The following RIGI variants were observed in gnomAD, a reference collection of about 807,000 sequenced individuals.
RIGI encodes the protein RNA sensor RIG-I.
At chr9:32,462,323 G>A in the RIGI span, among the ~76,000 whole-genome samples, 61 of 150,994 alleles carry the variant, frequency 4.0e-4, no homozygotes, top group African/African-American at 1.1e-3. Flanking sequence ...AATTGGTTAC[G>A]GATCATACAT....
the RIGI span, among the ~76,000 whole-genome samples, chr9:32,467,195 G>A: frequency 6.6e-6 from 1 of 152,084 alleles, no homozygotes; most frequent in Non-Finnish European, 1.5e-5. Flanking sequence ...AGGGAAGAAT[G>A]GGAAATAAAG....
chr9:32,480,662 A>C, the RIGI span, among the ~76,000 whole-genome samples: 1 of 152,354 alleles, frequency 6.6e-6, no homozygotes, highest in Middle Eastern at 3.4e-3. Flanking sequence ...TAAGGAAAGT[A>C]AATCAACTTC....
the RIGI span, among the ~76,000 whole-genome samples, chr9:32,524,823 G>C: frequency 6.6e-6 from 1 of 151,788 alleles, no homozygotes; most frequent in Admixed American, 6.6e-5. Flanking sequence ...AGCTGGTCTC[G>C]AACTCCTGAC....
chr9:32,463,968 C>T, the RIGI span, among the ~76,000 whole-genome samples: 43 of 149,684 alleles, frequency 2.9e-4, 1 homozygote, highest in Admixed American at 6.1e-4. Context: ...AATCCTGAAG[C>T]GTCCACCATG....
chr9:32,455,994 T>C, the RIGI span: 1 of 152,238 alleles, frequency 6.6e-6, no homozygotes, highest in Non-Finnish European at 1.5e-5. Context: ...GGAACTCAGA[T>C]ACTTGTTTCC....
the RIGI span, among the ~76,000 whole-genome samples, chr9:32,505,154 G>GA: frequency 1.3e-5 from 2 of 148,710 alleles, no homozygotes; most frequent in African/African-American, 4.9e-5. Context: ...AAGCAGCCTA[G>GA]AAAAAAATAG....
chr9:32,457,479 G>T, the RIGI span: 91 of 986,338 alleles, frequency 9.2e-5, no homozygotes, highest in Middle Eastern at 3.0e-4. Flanking sequence ...ACATAATTGT[G>T]ATTTAAAAAA....
chr9:32,462,459 A>G, the RIGI span, among the ~76,000 whole-genome samples: 1 of 132,166 alleles, frequency 7.6e-6, no homozygotes, highest in Non-Finnish European at 1.5e-5. Flanking sequence ...CCCAGGCTGG[A>G]ATGCAGTGGC....
At chr9:32,501,840 G>A in the RIGI span, among the ~76,000 whole-genome samples, 4 of 152,158 alleles carry the variant, frequency 2.6e-5, no homozygotes, top group African/African-American at 9.7e-5. Flanking sequence ...AAGAAGGAAT[G>A]CCTTATAATC....
chr9:32,468,292 A>C, the RIGI span, among the ~76,000 whole-genome samples: 1 of 152,244 alleles, frequency 6.6e-6, no homozygotes, highest in Admixed American at 6.5e-5. Flanking sequence ...TAGCTGACAA[A>C]ACATTTTCAC....
chr9:32,461,234 A>T, the RIGI span, among the ~76,000 whole-genome samples: 4 of 152,220 alleles, frequency 2.6e-5, no homozygotes, highest in South Asian at 8.3e-4. Context: ...GGAGAAATGA[A>T]GACATTCTTA....
the RIGI span, among the ~76,000 whole-genome samples, chr9:32,520,482 G>T: frequency 6.6e-6 from 1 of 152,106 alleles, no homozygotes; most frequent in Non-Finnish European, 1.5e-5. Flanking sequence ...GCTAAATCTT[G>T]AGCACTGACA....
At chr9:32,458,585 A>G in the RIGI span, among the ~76,000 whole-genome samples, 1 of 152,156 alleles carries the variant, frequency 6.6e-6, no homozygotes, top group Middle Eastern at 3.2e-3. Context: ...TATTACCATT[A>G]GTTTGTAAGC....
the RIGI span, chr9:32,485,632 C>T: frequency 2.5e-6 from 1 of 403,202 alleles, no homozygotes; most frequent in South Asian, 1.9e-5. Context: ...CCTCCGTCTC[C>T]CAGGTTCAAG....
At chr9:32,470,556 C>T in the RIGI span, among the ~76,000 whole-genome samples, 2 of 152,198 alleles carry the variant, frequency 1.3e-5, no homozygotes, top group Admixed American at 6.5e-5. Flanking sequence ...AAGAGTCATT[C>T]ATAAGCAGGC....
the RIGI span, among the ~76,000 whole-genome samples, chr9:32,495,390 A>G: frequency 6.6e-6 from 1 of 151,974 alleles, no homozygotes; most frequent in East Asian, 2.0e-4. Flanking sequence ...TTTAGTAGAG[A>G]TGGGGTTTCA....
At chr9:32,473,412 G>A in the RIGI span, among the ~76,000 whole-genome samples, 4 of 148,342 alleles carry the variant, frequency 2.7e-5, no homozygotes, top group African/African-American at 5.0e-5. Flanking sequence ...TCAGCCTCCC[G>A]AGTAGCTGGG....
the RIGI span, among the ~76,000 whole-genome samples, chr9:32,498,996 A>C: frequency 2.0e-5 from 3 of 151,684 alleles, no homozygotes; most frequent in African/African-American, 7.3e-5. Flanking sequence ...AAAAAAAAAA[A>C]AAAAAAAAAG....
the RIGI span, among the ~76,000 whole-genome samples, chr9:32,466,767 G>C: frequency 2.0e-5 from 3 of 149,646 alleles, no homozygotes; most frequent in African/African-American, 7.4e-5. Flanking sequence ...GAAAAACTAG[G>C]AGCCCACCTT....
Sources: gnomAD v4.1 joint callset for allele counts (sites outside exome capture counted in the v4.1 genomes callset) on GRCh38, gnomAD v4.1.1 for gene constraint, MANE v1.5 for transcripts, NCBI Gene and HGNC (gene_info 2026-07-23, HGNC 2026-07-21) for gene names.